The following TMC1 variants were observed in gnomAD, a reference collection of about 807,000 sequenced individuals.
The protein encoded by TMC1 is transmembrane channel-like protein 1.
A neutral mutation model predicts 105.8 loss-of-function variants in TMC1; 84 were observed. That is an observed-to-expected ratio of 0.79 (90% CI 0.67 to 0.95). TMC1 has a LOEUF of 0.95. Among genes scored for constraint, TMC1 ranks in the 40% least tolerant of loss-of-function variants. The pLI is 0.00. For missense variants in TMC1, 817 were observed against 914.1 expected (o/e 0.89, Z 1.37); for synonymous variants, 315 against 311.5 (o/e 1.01, Z -0.12).
chr9:72,730,621 A>G (rs1364933628), intron 8 of TMC1, among the ~76,000 whole-genome samples: 1 of 152,168 alleles, frequency 6.6e-6, no homozygotes, highest in African/African-American at 2.4e-5. Flanking sequence ...CAATTTTTCC[A>G]TATACTGGGG....
chr9:72,656,198 C>T, intron 5 of TMC1: 2 of 538,826 alleles, frequency 3.7e-6, no homozygotes, highest in East Asian at 8.6e-5. Context: ...GCCATCACTG[C>T]TGCGCGGCTT....
chr9:72,771,450 G>A (rs1270298016), intron 12 of TMC1, among the ~76,000 whole-genome samples: 1 of 152,074 alleles, frequency 6.6e-6, no homozygotes, highest in African/African-American at 2.4e-5. Context: ...CCCTTCTTCA[G>A]CTGTGAGTGT....
At chr9:72,772,899 G>A (rs1172523585) in intron 13 of TMC1, among the ~76,000 whole-genome samples, 2 of 152,064 alleles carry the variant, frequency 1.3e-5, no homozygotes, top group South Asian at 2.1e-4. Flanking sequence ...TCTCTTTTGC[G>A]TGCAGAGAGG....
chr9:72,564,606 G>T (rs1824115763), intron 1 of TMC1, among the ~76,000 whole-genome samples: 1 of 152,140 alleles, frequency 6.6e-6, no homozygotes, highest in Non-Finnish European at 1.5e-5. Flanking sequence ...TAGGATAGGT[G>T]GTGCTGGAAA....
intron 10 of TMC1, among the ~76,000 whole-genome samples, chr9:72,746,711 C>T (rs958969958): frequency 6.6e-6 from 1 of 152,092 alleles, no homozygotes; most frequent in Non-Finnish European, 1.5e-5. Context: ...CCAGTAAGAC[C>T]TAGATCTCTT....
intron 23 of TMC1, among the ~76,000 whole-genome samples, 195 bp downstream of exon 23, chr9:72,830,877 T>C (rs1274617403): frequency 6.6e-6 from 1 of 151,790 alleles, no homozygotes; most frequent in African/African-American, 2.4e-5. Flanking sequence ...TGTTTTCTAG[T>C]GGGAGGAAAA....
rs889795072 is a variant in TMC1, at chr9:72,745,293, A to G, written c.535+2768A>G. On this transcript the variant is annotated intron_variant, in intron 10 of 23. Coordinates refer to ENST00000297784, the MANE Select transcript of TMC1 (RefSeq NM_138691.3). ...AAATAACTGTCCCAGAATTAGTAGCAGAGCTGAAATATAAGGCAAAATCTG... is the reference window on the plus strand; with the variant it reads ...AAATAACTGTCCCAGAATTAGTAGCGGAGCTGAAATATAAGGCAAAATCTG... Among the ~76,000 whole-genome samples the G allele has an allele frequency of 3.2e-4, 49 of 152,212 alleles. 1 individual carries two copies. The highest frequency in any genetic ancestry group is 8.8e-5 in the Non-Finnish European group (6 of 68,020).
chr9:72,560,066 G>C (rs1052808272), intron 1 of TMC1, among the ~76,000 whole-genome samples: 1 of 152,166 alleles, frequency 6.6e-6, no homozygotes, highest in Non-Finnish European at 1.5e-5. Flanking sequence ...ATGAATAATA[G>C]TTGCGTCTGA....
At chr9:72,806,770 A>G (rs1157815042) in intron 18 of TMC1, among the ~76,000 whole-genome samples, 3 of 146,192 alleles carry the variant, frequency 2.1e-5, no homozygotes, top group Non-Finnish European at 4.5e-5. Flanking sequence ...GACGCTCCTC[A>G]CTTTCCAGAC....
intron 6 of TMC1, among the ~76,000 whole-genome samples, chr9:72,691,791 A>G (rs1057064206): frequency 1.3e-5 from 2 of 152,108 alleles, no homozygotes; most frequent in Non-Finnish European, 2.9e-5. Flanking sequence ...CACAGGGTAT[A>G]TATTTCAGTC....
At chr9:72,802,254 T>TATATACATACATACATAC (rs1564564685) in intron 17 of TMC1, among the ~76,000 whole-genome samples, 4 of 149,278 alleles carry the variant, frequency 2.7e-5, no homozygotes, top group African/African-American at 9.9e-5. Flanking sequence ...TACATACATA[T>TATATACATACATACATAC]ATACATACAT....
chr9:72,599,948 A>T (rs949419582), intron 2 of TMC1, among the ~76,000 whole-genome samples: 1 of 152,226 alleles, frequency 6.6e-6, no homozygotes, highest in African/African-American at 2.4e-5. Flanking sequence ...ACTGCAAGAG[A>T]TATGAACACA....
intron 8 of TMC1, among the ~76,000 whole-genome samples, chr9:72,732,376 A>G (rs1462392838): frequency 6.6e-6 from 1 of 152,290 alleles, no homozygotes; most frequent in African/African-American, 2.4e-5. Flanking sequence ...CAGCCTGGCC[A>G]AAAGGGTGAA....
chr9:72,749,598 G>T (rs542591755), intron 10 of TMC1, among the ~76,000 whole-genome samples: 1 of 152,094 alleles, frequency 6.6e-6, no homozygotes, highest in African/African-American at 2.4e-5. Flanking sequence ...GGTGGGGTGG[G>T]GTTGTGTATC....
chr9:72,739,414 A>G (rs2589628), intron 8 of TMC1, among the ~76,000 whole-genome samples: 134,872 of 152,290 alleles, frequency 0.89, 60,197 homozygotes, highest in African/African-American at 0.97. Context: ...TACAAAAATT[A>G]TAGTGTATGT....
chr9:72,656,429 T>G (rs1825886125), intron 5 of TMC1, among the ~76,000 whole-genome samples: 1 of 152,232 alleles, frequency 6.6e-6, no homozygotes, highest in South Asian at 2.1e-4. Context: ...CTATCCAGTA[T>G]GTTTCTCATT....
At chr9:72,834,027 GTT>G (rs759009636) in intron 23 of TMC1, among the ~76,000 whole-genome samples, 9 of 118,442 alleles carry the variant, frequency 7.6e-5, no homozygotes, top group African/African-American at 2.4e-4. Flanking sequence ...TCCATTTTCT[GTT>G]TTTTTTTTTT....
intron 2 of TMC1, among the ~76,000 whole-genome samples, chr9:72,591,732 A>AT (rs71357595): frequency 3.2e-4 from 49 of 151,560 alleles, no homozygotes; most frequent in African/African-American, 1.2e-3. Flanking sequence ...CACCATGGCT[A>AT]TTTGTTTGTT....
chr9:72,690,981 C>T (rs976715417), intron 6 of TMC1, among the ~76,000 whole-genome samples: 3 of 152,126 alleles, frequency 2.0e-5, no homozygotes, highest in Non-Finnish European at 4.4e-5. Context: ...GTTGATCCCT[C>T]ATAAAACTTT....
Sources: gnomAD v4.1 joint callset for allele counts (sites outside exome capture counted in the v4.1 genomes callset) on GRCh38, gnomAD v4.1.1 for gene constraint, MANE v1.5 for transcripts, NCBI Gene and HGNC (gene_info 2026-07-23, HGNC 2026-07-21) for gene names.